The following INSYN2B variants were observed in gnomAD, a reference collection of about 807,000 sequenced individuals.
The protein encoded by INSYN2B is protein INSYN2B.
In INSYN2B, 16 loss-of-function variants were observed where a neutral mutation model predicts 41.2. The observed-to-expected ratio is 0.39, with a 90% confidence interval of 0.26 to 0.59. The LOEUF (loss-of-function observed/expected upper bound fraction) is 0.59, where lower values mean the gene tolerates loss of function less well. Among genes scored for constraint, INSYN2B ranks in the 20% least tolerant of loss-of-function variants. The pLI is 0.57. For missense variants in INSYN2B, 608 were observed against 646.4 expected, an observed-to-expected ratio of 0.94 and a Z score of 0.64; for synonymous variants, 245 against 244.4, an observed-to-expected ratio of 1.00 and a Z score of -0.02.
chr5:169,956,701 C>T (rs1025946686), intron 1 of INSYN2B, among the ~76,000 whole-genome samples: 3 of 152,176 alleles, frequency 2.0e-5, no homozygotes, highest in African/African-American at 7.2e-5. Context: ...CTTAAATTCA[C>T]CTGTTTATAA....
At chr5:169,908,086 C>T (rs1774394781) in intron 1 of INSYN2B, among the ~76,000 whole-genome samples, 1 of 152,182 alleles carries the variant, frequency 6.6e-6, no homozygotes, top group African/African-American at 2.4e-5. Flanking sequence ...TTTCATTGAA[C>T]AACAGAGCAA....
At chr5:169,978,021 C>T (rs1057365259) in intron 1 of INSYN2B, among the ~76,000 whole-genome samples, 1 of 152,178 alleles carries the variant, frequency 6.6e-6, no homozygotes. Flanking sequence ...CTAGAAAGAA[C>T]TTTTCATCTG....
intron 3 of INSYN2B, among the ~76,000 whole-genome samples, chr5:169,873,496 A>G (rs1772116253): frequency 6.6e-6 from 1 of 152,248 alleles, no homozygotes; most frequent in African/African-American, 2.4e-5. Context: ...GATTACTAGA[A>G]TAACAGATAT....
chr5:169,881,466 A>G (rs1200137648), intron 2 of INSYN2B, 24 bp from the exon 3 acceptor site: 24 of 1,548,026 alleles, frequency 1.6e-5, no homozygotes, highest in Non-Finnish European at 2.0e-5. Context: ...CATTTGCTGG[A>G]TAAATCTATG....
At chr5:169,918,382 A>G (rs1033471535) in intron 1 of INSYN2B, among the ~76,000 whole-genome samples, 1 of 152,210 alleles carries the variant, frequency 6.6e-6, no homozygotes, top group African/African-American at 2.4e-5. Context: ...ACACACATGT[A>G]CAAGGAGGTT....
At chr5:169,917,137 AC>A (rs1229709626) in intron 1 of INSYN2B, among the ~76,000 whole-genome samples, 1 of 152,184 alleles carries the variant, frequency 6.6e-6, no homozygotes, top group Non-Finnish European at 1.5e-5. Flanking sequence ...ACAAAAGACA[AC>A]CTTTTTTAGT....
intron 1 of INSYN2B, among the ~76,000 whole-genome samples, chr5:169,955,323 T>A (rs548555579): frequency 3.1e-4 from 47 of 152,030 alleles, no homozygotes; most frequent in Non-Finnish European, 4.7e-4. Context: ...CATAGGAAGG[T>A]TCTGGGCCCA....
At chr5:169,979,142 G>T (rs1777847342) in intron 1 of INSYN2B, among the ~76,000 whole-genome samples, 1 of 152,198 alleles carries the variant, frequency 6.6e-6, no homozygotes, top group African/African-American at 2.4e-5. Context: ...GAGACTGCAA[G>T]GGGTCCCTCC....
At chr5:169,968,395 T>C (rs1251408355) in intron 1 of INSYN2B, among the ~76,000 whole-genome samples, 1 of 152,146 alleles carries the variant, frequency 6.6e-6, no homozygotes, top group Non-Finnish European at 1.5e-5. Flanking sequence ...GTGTCAGGCA[T>C]TGAGGATACA....
chr5:169,949,956 T>G (rs1242496530), intron 1 of INSYN2B, among the ~76,000 whole-genome samples: 1 of 152,194 alleles, frequency 6.6e-6, no homozygotes, highest in African/African-American at 2.4e-5. Flanking sequence ...TAGATTATCC[T>G]CTGGCAGGAT....
intron 1 of INSYN2B, among the ~76,000 whole-genome samples, chr5:169,943,133 A>C (rs1422109681): frequency 6.6e-6 from 1 of 152,164 alleles, no homozygotes; most frequent in Non-Finnish European, 1.5e-5. Context: ...TTTTCCCCAC[A>C]CCCAGGCCAT....
intron 1 of INSYN2B, among the ~76,000 whole-genome samples, chr5:169,926,595 A>C (rs556661553): frequency 6.6e-6 from 1 of 152,352 alleles, no homozygotes; most frequent in South Asian, 2.1e-4. Flanking sequence ...TCACTCAGGC[A>C]GGACAGAATA....
At chr5:169,894,124 AT>A (rs1340811063) in intron 1 of INSYN2B, among the ~76,000 whole-genome samples, 1 of 152,180 alleles carries the variant, frequency 6.6e-6, no homozygotes, top group Non-Finnish European at 1.5e-5. Context: ...TTTTCAAAGC[AT>A]TTTTAGATTT....
At chr5:169,922,593 A>G (rs1282153687) in intron 1 of INSYN2B, among the ~76,000 whole-genome samples, 1 of 152,250 alleles carries the variant, frequency 6.6e-6, no homozygotes. Flanking sequence ...TTTAGAGAAT[A>G]TCACCTACAT....
intron 1 of INSYN2B, among the ~76,000 whole-genome samples, chr5:169,958,856 A>T (rs948798006): frequency 6.6e-6 from 1 of 152,168 alleles, no homozygotes; most frequent in Admixed American, 6.5e-5. Context: ...TTTGCCAAAA[A>T]TACTTAAGAG....
rs7708088 is a variant in INSYN2B, at chr5:169,932,016, C to A, written c.-918-47200G>T. 6.6e-4 allele frequency among the ~76,000 whole-genome samples: 101 copies of A among 152,348 alleles called. 1 individual carries two copies. Among genetic ancestry groups the A allele is most frequent in the African/African-American group, 2.3e-3 (96 of 41,578 alleles). ...GCTAGGAATACAGCCATAAGCCCAACAGAGTCCTGACCTCATGATGCTTAT... is the reference window on the plus strand; with the variant it reads ...GCTAGGAATACAGCCATAAGCCCAAAAGAGTCCTGACCTCATGATGCTTAT... On this transcript the variant is annotated intron_variant, in intron 1 of 3. Coordinates refer to ENST00000377365, the MANE Select transcript of INSYN2B (RefSeq NM_001129891.3).
At chr5:169,943,118 T>C (rs1581451929) in intron 1 of INSYN2B, among the ~76,000 whole-genome samples, 1 of 152,172 alleles carries the variant, frequency 6.6e-6, no homozygotes, top group Non-Finnish European at 1.5e-5. Flanking sequence ...GGAAATATCA[T>C]TGAGTTTTCC....
intron 3 of INSYN2B, among the ~76,000 whole-genome samples, chr5:169,877,152 A>C (rs1156650205): frequency 6.6e-6 from 1 of 152,214 alleles, no homozygotes; most frequent in African/African-American, 2.4e-5. Flanking sequence ...AAAGCAAAGG[A>C]ACTTATGTAA....
chr5:169,864,974 C>A (rs1333483148), intron 3 of INSYN2B, among the ~76,000 whole-genome samples: 1 of 152,086 alleles, frequency 6.6e-6, no homozygotes, highest in Non-Finnish European at 1.5e-5. Context: ...TGCGCTAAGT[C>A]CTCCGTATGT....
Sources: gnomAD v4.1 joint callset for allele counts (sites outside exome capture counted in the v4.1 genomes callset) on GRCh38, gnomAD v4.1.1 for gene constraint, MANE v1.5 for transcripts, NCBI Gene and HGNC (gene_info 2026-07-23, HGNC 2026-07-21) for gene names.